The following ALDH1L2 variants were observed in gnomAD, a reference collection of about 807,000 sequenced individuals.
The protein encoded by ALDH1L2 is aldehyde dehydrogenase 1 family member L2.
A neutral mutation model predicts 111.0 loss-of-function variants in ALDH1L2; 91 were observed. That is an observed-to-expected ratio of 0.82 (90% CI 0.69 to 0.98). The LOEUF is 0.98. Ranked by LOEUF, ALDH1L2 falls within the 50% of genes least tolerant of loss-of-function variation. The pLI, the probability that ALDH1L2 is intolerant of heterozygous loss-of-function variation, is 0.00. For missense variants in ALDH1L2, 995 were observed against 1,126.8 expected, an observed-to-expected ratio of 0.88 and a Z score of 1.67; for synonymous variants, 374 against 392.6, an observed-to-expected ratio of 0.95 and a Z score of 0.56.
intron 15 of ALDH1L2, among the ~76,000 whole-genome samples, chr12:105,045,197 C>T (rs1369759303): frequency 1.3e-5 from 2 of 152,102 alleles, no homozygotes; most frequent in African/African-American, 4.8e-5. Context: ...GATTCTCCTG[C>T]CTCAGCCTCT....
intron 2 of ALDH1L2, among the ~76,000 whole-genome samples, chr12:105,072,186 T>C (rs1180245055): frequency 6.8e-6 from 1 of 148,044 alleles, no homozygotes; most frequent in East Asian, 1.9e-4. Context: ...TCTATTAATA[T>C]CCTATATGAT....
chr12:105,046,222 T>TATATTTATTTATTTATTTTA (rs1565957152), intron 15 of ALDH1L2, among the ~76,000 whole-genome samples: 1 of 26,804 alleles, frequency 3.7e-5, no homozygotes, highest in African/African-American at 2.1e-4. Context: ...TATATATATA[T>TATATTTATTTATTTATTTTA]TTTTTTTTTT....
At chr12:105,073,747 G>T in intron 2 of ALDH1L2, 114 bp downstream of exon 2, 1 of 1,413,774 alleles carries the variant, frequency 7.1e-7, no homozygotes. Context: ...CCTGCTTGCT[G>T]GAATGGCGCT....
chr12:105,080,499 ATTTC>A (rs1878287203), intron 1 of ALDH1L2, among the ~76,000 whole-genome samples: 2 of 152,168 alleles, frequency 1.3e-5, no homozygotes, highest in South Asian at 4.1e-4. Context: ...AAATGGGACT[ATTTC>A]TTTCTTGTTT....
At position 105,040,612 on chromosome 12, in the gene ALDH1L2, C is replaced by A; in HGVS notation, c.1946G>T (p.Gly649Val). The change falls in exon 16 of 23, where the codon GGC becomes GTC. Residue 649 changes from glycine (G) to valine (V), a missense_variant. Coordinates refer to ENST00000258494, the MANE Select transcript of ALDH1L2 (RefSeq NM_001034173.4). ...TCGGTCATTTAGTGGCTTACCTGAG[C>A]CTGGAATGATGTTGATGACCCCCTT... The part of the protein sequence containing the change: ...FPKGVINIIP[G>V]SGGIAGQRLS... The A allele has an allele frequency of 6.2e-7, 1 of 1,614,060 alleles. No individual in the cohort carries two copies. The highest frequency in any genetic ancestry group is 8.5e-7 in the Non-Finnish European group (1 of 1,179,972).
chr12:105,036,020 T>C (rs1874996052), intron 18 of ALDH1L2, among the ~76,000 whole-genome samples: 1 of 84,402 alleles, frequency 1.2e-5, no homozygotes, highest in Non-Finnish European at 2.0e-5. Context: ...GTATATATAT[T>C]ATATATATAC....
At chr12:105,057,124 A>T (rs1453423482) in intron 10 of ALDH1L2, among the ~76,000 whole-genome samples, 1 of 152,098 alleles carries the variant, frequency 6.6e-6, no homozygotes, top group Non-Finnish European at 1.5e-5. Flanking sequence ...CATTTCTCCA[A>T]AGAAGAAATA....
At chr12:105,027,291 A>G (rs1874465445) in intron 21 of ALDH1L2, among the ~76,000 whole-genome samples, 1 of 152,236 alleles carries the variant, frequency 6.6e-6, no homozygotes, top group South Asian at 2.1e-4. Flanking sequence ...AATCTGACCC[A>G]AAGTCATATA....
intron 1 of ALDH1L2, among the ~76,000 whole-genome samples, chr12:105,080,359 T>C (rs1388784543): frequency 1.3e-5 from 2 of 152,210 alleles, no homozygotes; most frequent in Non-Finnish European, 2.9e-5. Context: ...GTTGAGTGTA[T>C]TTTCATATTT....
chr12:105,061,165 A>C, intron 8 of ALDH1L2, 93 bp from the exon 9 acceptor site: 1 of 1,050,406 alleles, frequency 9.5e-7, no homozygotes, highest in Admixed American at 1.8e-5. Context: ...TTCCCTCTTC[A>C]TCTTGTACAC....
At chr12:105,082,223 A>G (rs528296811) in intron 1 of ALDH1L2, among the ~76,000 whole-genome samples, 1 of 152,332 alleles carries the variant, frequency 6.6e-6, no homozygotes, top group African/African-American at 2.4e-5. Flanking sequence ...GATAATTTGC[A>G]TGGGTAAAAT....
At chr12:105,054,991 A>C (rs35132501) in intron 10 of ALDH1L2, among the ~76,000 whole-genome samples, 30,794 of 152,152 alleles carry the variant, frequency 0.2, 3,402 homozygotes, top group African/African-American at 0.29. Context: ...TGACCAAAAA[A>C]CAAGAGGAAT....
At chr12:105,071,281 A>G (rs1177540723) in intron 2 of ALDH1L2, among the ~76,000 whole-genome samples, 1 of 152,204 alleles carries the variant, frequency 6.6e-6, no homozygotes, top group African/African-American at 2.4e-5. Flanking sequence ...CAAAAGATGA[A>G]GAGCGTAAGT....
chr12:105,028,450 A>G (rs1874531180), intron 21 of ALDH1L2, among the ~76,000 whole-genome samples: 1 of 152,252 alleles, frequency 6.6e-6, no homozygotes. Context: ...GCAAAGACAC[A>G]GGATCTGTTC....
At chr12:105,038,953 C>T (rs1266013174) in intron 17 of ALDH1L2, among the ~76,000 whole-genome samples, 8 of 152,280 alleles carry the variant, frequency 5.3e-5, no homozygotes, top group African/African-American at 9.6e-5. Flanking sequence ...TTTAAAAGTA[C>T]GCTGCTTATT....
chr12:105,038,319 C>T (rs1412172576), intron 17 of ALDH1L2, 117 bp from the exon 18 acceptor site: 1 of 532,140 alleles, frequency 1.9e-6, no homozygotes, highest in Non-Finnish European at 3.2e-6. Flanking sequence ...CACACACACA[C>T]ACACTTTTTA....
chr12:105,067,804 T>G (rs1877460637), intron 4 of ALDH1L2, among the ~76,000 whole-genome samples: 1 of 152,206 alleles, frequency 6.6e-6, no homozygotes, highest in Non-Finnish European at 1.5e-5. Context: ...GTCTAGAATC[T>G]GGGCTTCAGC....
At position 105,062,944 on chromosome 12, in the gene ALDH1L2, T is replaced by G; in HGVS notation, c.865A>C (p.Lys289Gln). 1 of 1,614,180 alleles carries G rather than the reference T, an allele frequency of 6.2e-7. No individual in the cohort carries two copies. The highest frequency in any genetic ancestry group is 8.5e-7 in the Non-Finnish European group (1 of 1,180,024). The change falls in exon 7 of 23, where the codon AAG becomes CAG. Residue 289 changes from lysine to glutamine, a missense_variant. Transcript: ENST00000258494. The part of the protein sequence containing the change: ...GEPLEIKGAK[K>Q]PGLVTKNGLV... Reference sequence around the variant, plus strand: ...CCATTTTTGGTAACGAGACCAGGCTTCTTGGCACCTTTAATTTCCAGTGGT... The same window carrying G: ...CCATTTTTGGTAACGAGACCAGGCTGCTTGGCACCTTTAATTTCCAGTGGT...
rs749528901 is a variant in ALDH1L2, at chr12:105,073,123, A to G, written c.193+738T>C. Among the ~76,000 whole-genome samples the G allele has an allele frequency of 9.9e-5, 15 of 152,216 alleles. 1 individual carries two copies. Among genetic ancestry groups the G allele is most frequent in the Non-Finnish European group, 7.3e-5 (5 of 68,044 alleles). On this transcript the variant is annotated intron_variant, in intron 2 of 22. Coordinates refer to ENST00000258494, the MANE Select transcript of ALDH1L2 (RefSeq NM_001034173.4). ...CAACTACTGTCAATGCTTCCTTATT[A>G]TGAACCAGGCATAGTGTGAGCACTT...
Sources: gnomAD v4.1 joint callset for allele counts (sites outside exome capture counted in the v4.1 genomes callset) on GRCh38, gnomAD v4.1.1 for gene constraint, MANE v1.5 for transcripts, NCBI Gene and HGNC (gene_info 2026-07-23, HGNC 2026-07-21) for gene names.